NR3C1: variants seen among roughly 807,000 people sequenced by gnomAD.
The protein encoded by NR3C1 is nuclear receptor subfamily 3 group C member 1, also known as glucocorticoid receptor.
In NR3C1, 14 loss-of-function variants were observed where a neutral mutation model predicts 74.0. That is an observed-to-expected ratio of 0.19 (90% confidence interval 0.12 to 0.30). The LOEUF (loss-of-function observed/expected upper bound fraction) is 0.30, where lower values mean the gene tolerates loss of function less well. NR3C1 is among the 10% of genes least tolerant of loss of function. The pLI is 1.00. For synonymous variants in NR3C1, 308 were observed against 332.5 expected (o/e 0.93, Z 0.80); for missense variants, 695 against 909.8 (o/e 0.76, Z 3.04).
In NR3C1 at chr5:143,279,423, T is replaced by C. The variant is rs1334619923; in HGVS notation, c.*2466A>G. On this transcript the variant is annotated 3_prime_UTR_variant, in exon 9 of 9. Coordinates refer to ENST00000394464, the MANE Select transcript of NR3C1 (RefSeq NM_000176.3). The stretch of plus-strand genomic sequence containing the variant: ...AACCACATAACATTCTATAAAGGAA[T>C]GATAATCTACGTTTTAGAAGCTCTT... The C allele has an allele frequency of 2.6e-6, 4 of 1,519,524 alleles. No individual in the cohort carries two copies. The highest frequency in any genetic ancestry group is 1.3e-5 in the South Asian group (1 of 75,696). The allele number at this position is 1,519,524 out of a possible 1,614,324, so 94.1% of individuals were successfully genotyped here.
At chr5:143,402,797 T>G (rs1840572910) in intron 1 of NR3C1, 1 of 985,206 alleles carries the variant, frequency 1.0e-6, no homozygotes, top group Non-Finnish European at 1.2e-6. Context: ...CGTGCAAATA[T>G]TCGGGCGAGT....
intron 2 of NR3C1, among the ~76,000 whole-genome samples, chr5:143,333,812 GCAGT>G (rs1826531124): frequency 6.6e-6 from 1 of 152,098 alleles, no homozygotes; most frequent in South Asian, 2.1e-4. Context: ...AACTATTGCT[GCAGT>G]CATTCAGATG....
At chr5:143,345,959 A>G (rs1486335965) in intron 2 of NR3C1, among the ~76,000 whole-genome samples, 1 of 152,220 alleles carries the variant, frequency 6.6e-6, no homozygotes, top group Non-Finnish European at 1.5e-5. Flanking sequence ...CACAGTTTCC[A>G]AGAACCTACT....
At chr5:143,404,030 A>G (rs1451957056), upstream of NR3C1, 6 of 985,100 alleles carry the variant, frequency 6.1e-6, no homozygotes, top group South Asian at 2.3e-4. Context: ...GAGTTTCTCC[A>G]GTTTCTTTTC....
intron 1 of NR3C1, among the ~76,000 whole-genome samples, chr5:143,426,136 G>C (rs1266085219): frequency 6.6e-6 from 1 of 152,172 alleles, no homozygotes; most frequent in African/African-American, 2.4e-5. Flanking sequence ...ACTACATATT[G>C]TGTGATTCCA....
intron 2 of NR3C1, among the ~76,000 whole-genome samples, chr5:143,370,222 T>C (rs180840833): frequency 1.5e-4 from 23 of 152,298 alleles, no homozygotes; most frequent in Admixed American, 6.5e-4. Flanking sequence ...CAGAAACACA[T>C]TGAGGGATGC....
At chr5:143,352,953 A>G (rs2151790775) in intron 2 of NR3C1, among the ~76,000 whole-genome samples, 1 of 152,344 alleles carries the variant, frequency 6.6e-6, no homozygotes, top group Admixed American at 6.5e-5. Flanking sequence ...GCTGTTTGAT[A>G]GCATTTTACC....
intron 1 of NR3C1, among the ~76,000 whole-genome samples, chr5:143,426,849 C>T (rs1751555118): frequency 1.3e-5 from 2 of 152,200 alleles, no homozygotes; most frequent in African/African-American, 4.8e-5. Context: ...GCTACTGCAG[C>T]CTTTCAGTGT....
At chr5:143,425,594 G>T (rs545423557) in intron 1 of NR3C1, among the ~76,000 whole-genome samples, 1 of 152,070 alleles carries the variant, frequency 6.6e-6, no homozygotes, top group Non-Finnish European at 1.5e-5. Context: ...AAGAAGATGT[G>T]CAACTAGCCA....
intron 7 of NR3C1, among the ~76,000 whole-genome samples, chr5:143,292,291 TATGGTGGTAAG>T (rs1816114080): frequency 1.3e-5 from 2 of 152,172 alleles, no homozygotes; most frequent in African/African-American, 4.8e-5. Context: ...GCCCTGTTTA[TATGGTGGTAAG>T]GTGTTGGGGA....
At chr5:143,301,828 C>T (rs2151563261) in intron 4 of NR3C1, among the ~76,000 whole-genome samples, 1 of 152,218 alleles carries the variant, frequency 6.6e-6, no homozygotes, top group South Asian at 2.1e-4. Flanking sequence ...TAAAATGACA[C>T]ACCATATAGT....
chr5:143,397,437 T>A lies in NR3C1; in HGVS notation c.1184+2219A>T, dbSNP rs575889047. On this transcript the variant is annotated intron_variant, in intron 2 of 8. Coordinates refer to ENST00000394464, the MANE Select transcript of NR3C1 (RefSeq NM_000176.3). ...GAGAAAGCAACTAATTTTAGCTATA[T>A]CAGGGCTGTTGTTTGGAAACAATAG... 2.6e-5 allele frequency among the ~76,000 whole-genome samples: 4 copies of A among 152,000 alleles called. No individual in the cohort carries two copies. In the South Asian group the frequency reaches 8.3e-4, roughly 31 times the overall value.
At chr5:143,416,338 T>C (rs1028258728) in intron 1 of NR3C1, among the ~76,000 whole-genome samples, 1 of 152,144 alleles carries the variant, frequency 6.6e-6, no homozygotes, top group Non-Finnish European at 1.5e-5. Flanking sequence ...CCTTAATTCT[T>C]GGCTTTCTGG....
Position 143,300,394 on chromosome 5 carries a change from C to A in NR3C1, c.1747+91G>T. 6.7e-7 allele frequency: 1 copy of A among 1,490,794 alleles called. No individual in the cohort carries two copies. The highest frequency in any genetic ancestry group is 9.3e-7 in the Non-Finnish European group (1 of 1,071,874). 92.3% of individuals were successfully genotyped at this position (1,490,794 alleles called of 1,614,324 possible). ...CAGAACTAAGAGAAACAAGATAAGCCATGGGCTCACGATGATATAAAAGCC... is the reference window on the plus strand; with the variant it reads ...CAGAACTAAGAGAAACAAGATAAGCAATGGGCTCACGATGATATAAAAGCC... On this transcript the variant is annotated intron_variant, in intron 5 of 8. Coordinates refer to ENST00000394464, the MANE Select transcript of NR3C1 (RefSeq NM_000176.3). The surrounding 1 kb of genome is among the most constrained non-coding windows in gnomAD (Gnocchi z 5.2).
At chr5:143,315,361 T>A (rs1405502339) in intron 2 of NR3C1, among the ~76,000 whole-genome samples, 1 of 152,160 alleles carries the variant, frequency 6.6e-6, no homozygotes, top group East Asian at 1.9e-4. Flanking sequence ...AATTAGAGAC[T>A]GCCCATTCCA....
At chr5:143,375,837 G>C (rs1324631506) in intron 2 of NR3C1, 1 of 152,084 alleles carries the variant, frequency 6.6e-6, no homozygotes, top group African/African-American at 2.4e-5. Flanking sequence ...TTAAAAACTA[G>C]GGGAAAATCT....
At chr5:143,285,064 GCC>G (rs1814078875) in intron 7 of NR3C1, among the ~76,000 whole-genome samples, 1 of 139,926 alleles carries the variant, frequency 7.1e-6, no homozygotes, top group Non-Finnish European at 1.5e-5. Context: ...ACAAAGAAAG[GCC>G]TCCAGAAATC....
Position 143,419,452 on chromosome 5 carries a change from C to T in NR3C1, c.-14+15080G>A, listed in dbSNP as rs557649059. On this transcript the variant is annotated intron_variant, in intron 1 of 8. Transcript: ENST00000343796. ...ATCGGGGAACCTGCCCCGATAGTCA[C>T]ATAGGTTCTTTTCTATTTTCCCTAA... is the stretch of plus-strand genomic sequence containing the variant. Among the ~76,000 whole-genome samples, 6 of 152,188 alleles carry T rather than the reference C, an allele frequency of 3.9e-5. No homozygotes were observed. In the South Asian group the frequency reaches 1.0e-3, roughly 26 times the overall value.
At chr5:143,407,955 G>A (rs539658862), upstream of NR3C1, among the ~76,000 whole-genome samples, 6 of 152,318 alleles carry the variant, frequency 3.9e-5, no homozygotes, top group Non-Finnish European at 1.5e-5. Flanking sequence ...AAGCCTTCTA[G>A]TGGATGTGAT....
Sources: gnomAD v4.1 joint callset for allele counts (sites outside exome capture counted in the v4.1 genomes callset) on GRCh38, gnomAD v4.1.1 for gene constraint, Gnocchi (gnomAD v3.1) non-coding constraint, MANE v1.5 for transcripts, NCBI Gene and HGNC (gene_info 2026-07-23, HGNC 2026-07-21) for gene names.